The following CFAP97D2 variants were observed in gnomAD, a reference collection of about 807,000 sequenced individuals.
CFAP97D2 encodes uncharacterized protein CFAP97D2.
rs1279094117 is a variant in CFAP97D2 at position 114,185,774 on chromosome 13, G to T, written c.90+6354G>T. ...TGCCACCTCAGCCCCCTCCAGATTT[G>T]GGCACTGACAAGCACAGGAGGGAGG... On this transcript the variant is annotated intron_variant, in intron 1 of 4. Transcript: ENST00000646158. The surrounding 1 kb of genome is among the most constrained non-coding windows in gnomAD (Gnocchi z 5.2). Among the ~76,000 whole-genome samples the T allele has an allele frequency of 1.3e-5, 2 of 152,236 alleles. No individual in the cohort carries two copies. The highest frequency in any genetic ancestry group is 2.9e-5 in the Non-Finnish European group (2 of 68,034).
chr13:114,186,230 T>G lies in CFAP97D2; in HGVS notation c.90+6810T>G, dbSNP rs564669856. 2.0e-5 allele frequency among the ~76,000 whole-genome samples: 3 copies of G among 151,918 alleles called. No homozygotes were observed. The highest frequency in any genetic ancestry group is 6.5e-5 in the Admixed American group (1 of 15,282). ...CAGAGGGGAGCTGCACACCCCAAGG[T>G]CTCCTCTCTGCTGAGAGCTGAGACG... On this transcript the variant is annotated intron_variant, in intron 1 of 4. Coordinates refer to ENST00000646158, the Ensembl canonical transcript of CFAP97D2. The surrounding 1 kb of genome is among the most constrained non-coding windows in gnomAD (Gnocchi z 4.3).
chr13:114,205,765 C>T (rs1013540312), intron 3 of CFAP97D2, among the ~76,000 whole-genome samples: 1 of 152,132 alleles, frequency 6.6e-6, no homozygotes, highest in African/African-American at 2.4e-5. Context: ...GTGAACCAGC[C>T]CAAGGGGATC....
intron 1 of CFAP97D2, among the ~76,000 whole-genome samples, chr13:114,180,952 G>C (rs1054204889): frequency 6.6e-6 from 1 of 152,206 alleles, no homozygotes. Context: ...AGTGAACTTT[G>C]GTAGGTTGAC....
intron 3 of CFAP97D2, among the ~76,000 whole-genome samples, chr13:114,202,146 T>G (rs1242402229): frequency 6.6e-6 from 1 of 152,248 alleles, no homozygotes; most frequent in African/African-American, 2.4e-5. Flanking sequence ...TAGCATAACG[T>G]TGAGTAGTGT....
In CFAP97D2 at chr13:114,179,808, TTTTG is replaced by T. The variant is rs752215333; in HGVS notation, c.90+396_90+399del. 6.6e-6 allele frequency among the ~76,000 whole-genome samples: 1 copy of T among 152,134 alleles called. No individual in the cohort carries two copies. Among genetic ancestry groups the T allele is most frequent in the African/African-American group, 2.4e-5 (1 of 41,434 alleles). ...TTTTGTTTTTTGTTTTTGTTTTTGTTTTTGTTTGTTTTTGAGAGGGATGTTGCCA... is the reference window on the plus strand; with the variant it reads ...TTTTGTTTTTTGTTTTTGTTTTTGTTTTTGTTTTTGAGAGGGATGTTGCCA... On this transcript the variant is annotated intron_variant, in intron 1 of 4. Transcript: ENST00000646158. This position sits in a 1 kb window ranked among gnomAD's most constrained non-coding sequence, Gnocchi z 4.8.
chr13:114,220,955 T>G (rs2081018602), intron 4 of CFAP97D2, among the ~76,000 whole-genome samples: 1 of 152,368 alleles, frequency 6.6e-6, no homozygotes, highest in Admixed American at 6.5e-5. Flanking sequence ...ACTGTGAAAG[T>G]GACTCACACT....
intron 3 of CFAP97D2, among the ~76,000 whole-genome samples, chr13:114,204,973 A>G (rs1487065336): frequency 1.3e-5 from 2 of 152,250 alleles, no homozygotes; most frequent in African/African-American, 2.4e-5. Flanking sequence ...CTCACAGTTC[A>G]GTGATAAAGA....
chr13:114,196,400 A>G (rs921602735), exon 2 of CFAP97D2: 5 of 399,626 alleles, frequency 1.3e-5, no homozygotes, highest in African/African-American at 2.1e-5. Context: ...CCACAGGTCC[A>G]GAGCGCCCAG....
At chr13:114,195,351 C>G (rs1181272862) in intron 1 of CFAP97D2, among the ~76,000 whole-genome samples, 12 of 152,194 alleles carry the variant, frequency 7.9e-5, no homozygotes, top group African/African-American at 2.9e-4. Flanking sequence ...CCATCTGCCC[C>G]TTTCTCCACC....
intron 1 of CFAP97D2, among the ~76,000 whole-genome samples, chr13:114,188,679 A>G (rs2080858968): frequency 6.6e-6 from 1 of 150,918 alleles, no homozygotes. Context: ...TGGGAGGCTG[A>G]GGCAGGAGAA....
intron 4 of CFAP97D2, among the ~76,000 whole-genome samples, chr13:114,217,073 G>A (rs1445978752): frequency 1.3e-5 from 2 of 152,080 alleles, no homozygotes; most frequent in Non-Finnish European, 2.9e-5. Flanking sequence ...GTGTCTGTTG[G>A]CTGCATAAAT....
At chr13:114,188,733 C>T (rs1457735448) in intron 1 of CFAP97D2, among the ~76,000 whole-genome samples, 8 of 145,702 alleles carry the variant, frequency 5.5e-5, no homozygotes, top group South Asian at 2.2e-4. Flanking sequence ...GCCGAGATTG[C>T]GCCACTGCAC....
In CFAP97D2 at chr13:114,213,734, C is replaced by G. The variant is rs201329241; in HGVS notation, c.480+1633C>G. Among the ~76,000 whole-genome samples, 13 of 146,788 alleles carry G rather than the reference C, an allele frequency of 8.9e-5. No homozygotes were observed. The East Asian group carries it at 1.8e-3, about 21-fold the overall frequency. ...CATGAACCCTACCCCTATGGAAGCT[C>G]CAGGACCACAGACCCCATCCCTGTG... On this transcript the variant is annotated intron_variant, in intron 4 of 4. Transcript: ENST00000646158.
At chr13:114,196,682 C>T (rs2080889060) in intron 2 of CFAP97D2, among the ~76,000 whole-genome samples, 1 of 152,176 alleles carries the variant, frequency 6.6e-6, no homozygotes, top group African/African-American at 2.4e-5. Context: ...GTTGTGCTGA[C>T]TATAAACCAA....
At chr13:114,200,685 C>T (rs1187059866) in intron 3 of CFAP97D2, among the ~76,000 whole-genome samples, 1 of 152,244 alleles carries the variant, frequency 6.6e-6, no homozygotes, top group South Asian at 2.1e-4. Context: ...CGGCTGTGAG[C>T]TGCCCGTGTG....
Position 114,185,754 on chromosome 13 carries a change from C to T in CFAP97D2, c.90+6334C>T, listed in dbSNP as rs2080851887. Among the ~76,000 whole-genome samples, 1 of 152,252 alleles carries T rather than the reference C, an allele frequency of 6.6e-6. No individual in the cohort carries two copies. Among genetic ancestry groups the T allele is most frequent in the Non-Finnish European group, 1.5e-5 (1 of 68,042 alleles). On this transcript the variant is annotated intron_variant, in intron 1 of 4. Coordinates refer to ENST00000646158, the Ensembl canonical transcript of CFAP97D2. The surrounding 1 kb of genome is among the most constrained non-coding windows in gnomAD (Gnocchi z 5.2). ...GAAGTGACATGCCAGCCCCTTGCCA[C>T]CTCAGCCCCCTCCAGATTTGGGCAC...
intron 2 of CFAP97D2, 87 bp from the exon 3 acceptor site, chr13:114,200,238 C>T (rs977377417): frequency 7.6e-6 from 3 of 397,252 alleles, no homozygotes; most frequent in Non-Finnish European, 1.3e-5. Context: ...GCGTAAAACT[C>T]CCAGGGCACT....
chr13:114,218,259 G>C (rs987430974), intron 4 of CFAP97D2, among the ~76,000 whole-genome samples: 12 of 152,328 alleles, frequency 7.9e-5, no homozygotes, highest in African/African-American at 2.9e-4. Flanking sequence ...CAAATCATGA[G>C]TGAACTCCCA....
chr13:114,199,113 G>T (rs2080903522), intron 2 of CFAP97D2, among the ~76,000 whole-genome samples: 1 of 61,452 alleles, frequency 1.6e-5, no homozygotes, highest in African/African-American at 1.1e-4. Flanking sequence ...GTGACGGCGC[G>T]TCCCCGTGGG....
Sources: allele counts gnomAD v4.1 joint callset (sites outside exome capture counted in the v4.1 genomes callset), GRCh38; gene constraint gnomAD v4.1.1; non-coding constraint Gnocchi (gnomAD v3.1); transcripts MANE v1.5; gene names NCBI Gene and HGNC (gene_info 2026-07-23, HGNC 2026-07-21).